MID2: variants seen among roughly 807,000 people sequenced by gnomAD.
The protein encoded by MID2 is midline 2.
Under a neutral mutation model 46.1 loss-of-function variants are expected in MID2, and 13 were observed. That is an observed-to-expected ratio of 0.28 (90% CI 0.18 to 0.45). MID2 has a LOEUF of 0.45. Ranked by LOEUF, MID2 falls within the 20% of genes least tolerant of loss-of-function variation. MID2 has a pLI of 1.00. For synonymous variants in MID2, 199 were observed against 212.3 expected (o/e 0.94, Z 0.55); for missense variants, 431 against 575.4 (o/e 0.75, Z 2.57).
intron 8 of MID2, 141 bp from the exon 9 acceptor site, chrX:107,925,953 T>A: frequency 4.8e-6 from 2 of 414,392 alleles, no homozygotes; most frequent in Non-Finnish European, 8.2e-6. Flanking sequence ...TAATAAAATT[T>A]AAACAGCAGC....
intron 2 of MID2, among the ~76,000 whole-genome samples, chrX:107,844,459 A>G (rs899152347): frequency 8.9e-6 from 1 of 111,740 alleles, no homozygotes; most frequent in African/African-American, 3.2e-5. Flanking sequence ...ACTAGTCCCA[A>G]TATATATCTT....
chrX:107,927,234 A>G lies in MID2; in HGVS notation c.*161A>G, dbSNP rs1290381092. The G allele has an allele frequency of 7.4e-5, 31 of 419,015 alleles. No individual in the cohort carries two copies. Among genetic ancestry groups the G allele is most frequent in the Non-Finnish European group, 1.1e-4 (30 of 262,667 alleles). 34.5% of individuals were successfully genotyped at this position (419,015 alleles called of 1,213,427 possible). On this transcript the variant is annotated 3_prime_UTR_variant, in exon 10 of 10. Coordinates refer to ENST00000262843, the MANE Select transcript of MID2 (RefSeq NM_012216.4). Reference sequence around the variant, plus strand: ...TTAATTTTTGTGCATTAAAGCTTGTATTTGAATTAATTTATTGAGTTTTTC... The same window carrying G: ...TTAATTTTTGTGCATTAAAGCTTGTGTTTGAATTAATTTATTGAGTTTTTC...
chrX:107,891,522 G>GC (rs1322495756), intron 3 of MID2, among the ~76,000 whole-genome samples: 1 of 111,165 alleles, frequency 9.0e-6, no homozygotes, highest in African/African-American at 3.3e-5. Context: ...CAAGTGATCT[G>GC]CCCGCCTTAG....
intron 3 of MID2, among the ~76,000 whole-genome samples, chrX:107,900,863 A>G (rs1372057753): frequency 8.9e-6 from 1 of 112,028 alleles, no homozygotes; most frequent in Non-Finnish European, 1.9e-5. Flanking sequence ...TTTCTTTTAT[A>G]TGTATATGGC....
chrX:107,887,397 T>C (rs1932480017), intron 3 of MID2, among the ~76,000 whole-genome samples: 3 of 112,207 alleles, frequency 2.7e-5, no homozygotes, highest in African/African-American at 9.7e-5. Flanking sequence ...GGTTTTTGTC[T>C]TTGATTCTGT....
intron 3 of MID2, among the ~76,000 whole-genome samples, chrX:107,878,129 A>G (rs1932240789): frequency 9.0e-6 from 1 of 111,213 alleles, no homozygotes; most frequent in African/African-American, 3.3e-5. Flanking sequence ...CAGCCAGAGG[A>G]GTAAAGGCTC....
intron 1 of MID2, among the ~76,000 whole-genome samples, chrX:107,837,877 C>CA (rs1931245265): frequency 8.9e-6 from 1 of 112,139 alleles, no homozygotes; most frequent in Non-Finnish European, 1.9e-5. Flanking sequence ...ACAGGAGATG[C>CA]TCAATGAATG....
intron 3 of MID2, among the ~76,000 whole-genome samples, chrX:107,865,437 G>A (rs1372334668): frequency 8.9e-6 from 1 of 112,238 alleles, no homozygotes; most frequent in South Asian, 3.7e-4. Flanking sequence ...CATCTCTTAT[G>A]TGTGTCTGGG....
intron 2 of MID2, 125 bp downstream of exon 2, chrX:107,841,510 G>T: frequency 2.1e-6 from 1 of 484,012 alleles, no homozygotes. Context: ...TTCTCATGAG[G>T]AATAACCTGC....
intron 3 of MID2, among the ~76,000 whole-genome samples, chrX:107,867,764 A>G (rs73529334): frequency 0.019 from 2,164 of 111,884 alleles, 54 homozygotes; most frequent in African/African-American, 0.066. Flanking sequence ...AAGAGAAGTT[A>G]AGAATGAAGC....
chrX:107,837,355 A>G (rs1931230413), intron 1 of MID2, among the ~76,000 whole-genome samples: 1 of 111,433 alleles, frequency 9.0e-6, no homozygotes, highest in Admixed American at 9.6e-5. Context: ...AGCTTCCAAC[A>G]CAGACATTGA....
At chrX:107,853,146 G>A (rs955386829) in intron 2 of MID2, among the ~76,000 whole-genome samples, 1 of 111,384 alleles carries the variant, frequency 9.0e-6, no homozygotes, top group African/African-American at 3.3e-5. Context: ...CATAACGAAT[G>A]GGAAACAGTA....
At chrX:107,924,743 C>T (rs747760487) in intron 8 of MID2, among the ~76,000 whole-genome samples, 1 of 111,280 alleles carries the variant, frequency 9.0e-6, no homozygotes, top group South Asian at 3.8e-4. Flanking sequence ...AGAGTTTTCT[C>T]TGTACTCCAC....
intron 5 of MID2, among the ~76,000 whole-genome samples, chrX:107,910,905 G>A (rs1349613237): frequency 1.2e-5 from 1 of 86,935 alleles, no homozygotes; most frequent in Non-Finnish European, 2.2e-5. Flanking sequence ...CCAGGCTGGA[G>A]TGCAGTGGCA....
intron 1 of MID2, among the ~76,000 whole-genome samples, chrX:107,832,079 A>T (rs1479752585): frequency 8.9e-6 from 1 of 112,270 alleles, no homozygotes; most frequent in Non-Finnish European, 1.9e-5. Flanking sequence ...CAATGTTTGG[A>T]TTTAAAAACT....
chrX:107,914,753 G>A (rs1932942184), intron 5 of MID2, among the ~76,000 whole-genome samples: 1 of 112,436 alleles, frequency 8.9e-6, no homozygotes, highest in Non-Finnish European at 1.9e-5. Flanking sequence ...TAATCCTGAT[G>A]TGTAGCGATG....
chrX:107,838,534 G>GTGAC (rs1338015053), intron 1 of MID2, among the ~76,000 whole-genome samples: 2 of 112,157 alleles, frequency 1.8e-5, no homozygotes, highest in African/African-American at 6.5e-5. Flanking sequence ...AACCAACTGA[G>GTGAC]TGACTGATTT....
At chrX:107,879,217 G>A (rs1932268769) in intron 3 of MID2, among the ~76,000 whole-genome samples, 2 of 111,910 alleles carry the variant, frequency 1.8e-5, no homozygotes, top group African/African-American at 6.5e-5. Context: ...GGAGGGTCAC[G>A]GTGACTGCCT....
chrX:107,910,518 C>T (rs1444910333), intron 5 of MID2, among the ~76,000 whole-genome samples: 9 of 109,942 alleles, frequency 8.2e-5, no homozygotes, highest in Non-Finnish European at 1.3e-4. Context: ...TATATACTGA[C>T]TAGTGGGATT....
Sources: gnomAD v4.1 joint callset for allele counts (sites outside exome capture counted in the v4.1 genomes callset) on GRCh38, gnomAD v4.1.1 for gene constraint, MANE v1.5 for transcripts, NCBI Gene and HGNC (gene_info 2026-07-23, HGNC 2026-07-21) for gene names.